INPP5A: variants seen among roughly 807,000 people sequenced by gnomAD.
INPP5A encodes the protein 43 kDa inositol polyphosphate 5-phophatase.
A neutral mutation model predicts 65.2 loss-of-function variants in INPP5A; 14 were observed. That is an observed-to-expected ratio of 0.21 (90% confidence interval 0.14 to 0.34). The LOEUF (loss-of-function observed/expected upper bound fraction) is 0.34. Among genes scored for constraint, INPP5A ranks in the 10% least tolerant of loss-of-function variants. INPP5A has a pLI of 1.00. For synonymous variants in INPP5A, 207 were observed against 208.3 expected (o/e 0.99, Z 0.05); for missense variants, 431 against 545.6 (o/e 0.79, Z 2.09).
intron 8 of INPP5A, among the ~76,000 whole-genome samples, chr10:132,718,362 G>C (rs1418454842): frequency 2.0e-5 from 3 of 150,810 alleles, no homozygotes; most frequent in Non-Finnish European, 3.0e-5. Flanking sequence ...CTGTCTTCAG[G>C]GTTCTGTGGT....
At chr10:132,680,359 C>T (rs1484765370) in intron 4 of INPP5A, among the ~76,000 whole-genome samples, 2 of 152,232 alleles carry the variant, frequency 1.3e-5, no homozygotes, top group Non-Finnish European at 2.9e-5. Flanking sequence ...AAGCGCCCAG[C>T]TCCACGAACC....
chr10:132,638,891 C>T (rs1029314986), intron 2 of INPP5A, among the ~76,000 whole-genome samples: 3 of 152,148 alleles, frequency 2.0e-5, no homozygotes, highest in Non-Finnish European at 2.9e-5. Flanking sequence ...CTTCAAGCCA[C>T]GCTGAGGCTG....
intron 9 of INPP5A, among the ~76,000 whole-genome samples, chr10:132,747,799 A>G (rs1009893930): frequency 6.6e-6 from 1 of 152,256 alleles, no homozygotes; most frequent in African/African-American, 2.4e-5. Flanking sequence ...ATGTAATCCT[A>G]GCACTTTGGG....
intron 2 of INPP5A, among the ~76,000 whole-genome samples, chr10:132,628,022 C>G (rs2133369164): frequency 1.3e-5 from 2 of 152,314 alleles, no homozygotes; most frequent in Middle Eastern, 6.8e-3. Context: ...CAGCACAGCG[C>G]TCTGATCAGC....
rs535932580 is a variant in INPP5A, at chr10:132,678,913, C to G, written c.307-11479C>G. 6.6e-6 allele frequency among the ~76,000 whole-genome samples: 1 copy of G among 152,120 alleles called. No homozygotes were observed. The highest frequency in any genetic ancestry group is 2.1e-4 in the South Asian group (1 of 4,828). On this transcript the variant is annotated intron_variant, in intron 4 of 15. Coordinates refer to ENST00000368594, the MANE Select transcript of INPP5A (RefSeq NM_005539.5). The surrounding 1 kb of genome is among the most constrained non-coding windows in gnomAD (Gnocchi z 4.1). ...TGGAAAAGGGGAGGCAGCAGAGGTA[C>G]CCTCCTGACAGAAGGGCGCAGCCTC... is the stretch of plus-strand genomic sequence containing the variant.
chr10:132,678,505 C>T lies in INPP5A; in HGVS notation c.307-11887C>T, dbSNP rs1564960688. Among the ~76,000 whole-genome samples the T allele has an allele frequency of 6.6e-6, 1 of 152,130 alleles. No homozygotes were observed. The highest frequency in any genetic ancestry group is 1.5e-5 in the Non-Finnish European group (1 of 68,032). On this transcript the variant is annotated intron_variant, in intron 4 of 15. Coordinates refer to ENST00000368594, the MANE Select transcript of INPP5A (RefSeq NM_005539.5). The surrounding 1 kb of genome is among the most constrained non-coding windows in gnomAD (Gnocchi z 4.1). ...TTCAGCTTCTCGGGAGCACCGTGAA[C>T]CTGTGCCTTGGGTTGTGCTTTGAGA...
chr10:132,701,998 C>T (rs1042347919), intron 6 of INPP5A, among the ~76,000 whole-genome samples: 5 of 152,224 alleles, frequency 3.3e-5, no homozygotes, highest in East Asian at 1.9e-4. Flanking sequence ...CTCCCTGCAC[C>T]GCGCATCCCA....
Position 132,750,183 on chromosome 10 carries a change from C to T in INPP5A, c.903+338C>T, listed in dbSNP as rs111319196. On this transcript the variant is annotated intron_variant, in intron 11 of 15. Transcript: ENST00000368594. The stretch of plus-strand genomic sequence containing the variant: ...GTCTCAGAGTGAACCGGCCGGGCCT[C>T]GGGCCTCACTCTGAAGTGGGAGACT... Among the ~76,000 whole-genome samples the T allele has an allele frequency of 3.6e-3, 550 of 152,342 alleles. 6 individuals carry two copies. Among genetic ancestry groups the T allele is most frequent in the Admixed American group, 9.5e-3 (145 of 15,302 alleles).
chr10:132,780,911 C>A lies in INPP5A; in HGVS notation c.1152C>A (p.Asp384Glu). 6.2e-7 allele frequency: 1 copy of A among 1,611,844 alleles called. No individual in the cohort carries two copies. Reference protein sequence around the residue: ...DHIGPNVCMGDHKPVFLAFRI... With the variant: ...DHIGPNVCMGEHKPVFLAFRI... The stretch of plus-strand genomic sequence containing the variant: ...TTGGGCCCAACGTCTGCATGGGAGA[C>A]CACAAGGTGACATAGACTGAGGTCC... Residue 384 changes from aspartate (D) to glutamate (E), a missense_variant, in exon 14 of 16, where the codon GAC (aspartate) becomes GAA (glutamate). Transcript: ENST00000368594.
rs1038243977 is a variant in INPP5A at position 132,704,826 on chromosome 10, T to A, written c.475-3487T>A. ...GGCGTCTGGACAGGCGGCAGGCAGC[T>A]CCTCTGGAGTGTGGAGGATGGAGGA... On this transcript the variant is annotated intron_variant, in intron 6 of 15. Coordinates refer to ENST00000368594, the MANE Select transcript of INPP5A (RefSeq NM_005539.5). This position sits in a 1 kb window ranked among gnomAD's most constrained non-coding sequence, Gnocchi z 4.5. 4.7e-5 allele frequency among the ~76,000 whole-genome samples: 7 copies of A among 148,338 alleles called. No homozygotes were observed. The highest frequency in any genetic ancestry group is 1.5e-4 in the African/African-American group (6 of 39,830).
Position 132,606,402 on chromosome 10 carries a change from G to A in INPP5A, c.76-1513G>A, listed in dbSNP as rs530267882. Among the ~76,000 whole-genome samples, 10 of 152,306 alleles carry A rather than the reference G, an allele frequency of 6.6e-5. No individual in the cohort carries two copies. In the East Asian group the frequency reaches 1.9e-3, roughly 29 times the overall value. On this transcript the variant is annotated intron_variant, in intron 1 of 15. Transcript: ENST00000368594. ...GCTGGGGCGGTTGCGTGCGTCCCACGAGGAGGTCCCTGGACCCAGAGGGCA... is the reference window on the plus strand; with the variant it reads ...GCTGGGGCGGTTGCGTGCGTCCCACAAGGAGGTCCCTGGACCCAGAGGGCA...
chr10:132,735,673 T>G (rs1846163591), intron 9 of INPP5A, among the ~76,000 whole-genome samples: 1 of 152,210 alleles, frequency 6.6e-6, no homozygotes, highest in Non-Finnish European at 1.5e-5. Context: ...GCCTCCTTGG[T>G]GCCCTCAGTG....
chr10:132,763,803 A>T (rs749389972), intron 11 of INPP5A, among the ~76,000 whole-genome samples: 2 of 151,982 alleles, frequency 1.3e-5, no homozygotes, highest in Non-Finnish European at 2.9e-5. Flanking sequence ...GCAAACACAC[A>T]TGCCTGTACA....
chr10:132,588,845 G>A (rs12783213), intron 1 of INPP5A, among the ~76,000 whole-genome samples: 20,114 of 151,542 alleles, frequency 0.13, 1,448 homozygotes, highest in Non-Finnish European at 0.19. Context: ...TTCTTGGAGT[G>A]TGGGGTGTGG....
chr10:132,721,764 T>C (rs1323288254), intron 8 of INPP5A, among the ~76,000 whole-genome samples: 1 of 151,942 alleles, frequency 6.6e-6, no homozygotes, highest in Non-Finnish European at 1.5e-5. Context: ...CTGGGTTCTG[T>C]CTGGGCACCT....
At chr10:132,781,737 C>T in intron 14 of INPP5A, 124 bp from the exon 15 acceptor site, 3 of 802,054 alleles carry the variant, frequency 3.7e-6, no homozygotes, top group Non-Finnish European at 4.2e-6. Flanking sequence ...CCATCAGCTC[C>T]TCCCAGCCCG....
chr10:132,594,611 G>A (rs551954040), intron 1 of INPP5A, among the ~76,000 whole-genome samples: 7 of 152,140 alleles, frequency 4.6e-5, no homozygotes, highest in East Asian at 3.9e-4. Flanking sequence ...TGTGGGGTGC[G>A]TTTGTGTGCC....
At chr10:132,624,744 C>T (rs929021881) in intron 2 of INPP5A, among the ~76,000 whole-genome samples, 4 of 152,200 alleles carry the variant, frequency 2.6e-5, no homozygotes, top group South Asian at 2.1e-4. Flanking sequence ...GTTCCAGCTG[C>T]CTGGATGCCC....
intron 8 of INPP5A, among the ~76,000 whole-genome samples, chr10:132,720,319 G>A (rs1845843808): frequency 7.1e-6 from 1 of 141,822 alleles, no homozygotes; most frequent in South Asian, 2.3e-4. Context: ...GTGGTGCCTG[G>A]GTTCTTTCTG....
Sources: gnomAD v4.1 joint callset for allele counts (sites outside exome capture counted in the v4.1 genomes callset) on GRCh38, gnomAD v4.1.1 for gene constraint, Gnocchi (gnomAD v3.1) non-coding constraint, MANE v1.5 for transcripts, NCBI Gene and HGNC (gene_info 2026-07-23, HGNC 2026-07-21) for gene names.